Variants in IL16 observed in about 807,000 individuals in gnomAD.
IL16 encodes the protein interleukin 16, also known as pro-interleukin-16.
In IL16, 67 loss-of-function variants were observed where a neutral mutation model predicts 110.1. That is an observed-to-expected ratio of 0.61 (90% CI 0.50 to 0.75). IL16 has a LOEUF of 0.75. Among genes scored for constraint, IL16 ranks in the 30% least tolerant of loss-of-function variants. The probability of loss-of-function intolerance (pLI) is 0.00; values close to 1 mark genes in which losing one functional copy is unlikely to be tolerated. For synonymous variants in IL16, 689 were observed against 662.9 expected (o/e 1.04, Z -0.61); for missense variants, 1,545 against 1,655.0 (o/e 0.93, Z 1.15).
intron 1 of IL16, among the ~76,000 whole-genome samples, chr15:81,183,814 C>T (rs1224244690): frequency 6.6e-6 from 1 of 152,150 alleles, no homozygotes; most frequent in African/African-American, 2.4e-5. Flanking sequence ...GTAACAGGCT[C>T]CTTGATCTTG....
intron 2 of IL16, among the ~76,000 whole-genome samples, chr15:81,226,793 G>A (rs577353850): frequency 2.8e-4 from 42 of 152,200 alleles, no homozygotes; most frequent in Admixed American, 1.0e-3. Flanking sequence ...TGGGTTTGGG[G>A]GAGGCTCGCC....
Position 81,196,965 on chromosome 15 carries a change from A to G in IL16, c.-289A>G. 1 of 1,270,830 alleles carries G rather than the reference A, an allele frequency of 7.9e-7. No individual in the cohort carries two copies. Among genetic ancestry groups the G allele is most frequent in the Middle Eastern group, 3.3e-4 (1 of 3,064 alleles). 78.7% of individuals were successfully genotyped at this position (1,270,830 alleles called of 1,614,324 possible). On this transcript the variant is annotated 5_prime_UTR_variant, in exon 1 of 19. Coordinates refer to ENST00000683961, the MANE Select transcript of IL16 (RefSeq NM_172217.5). ...CTCAACTATCGGAGCCTGGGATCTG[A>G]CTCAAAGGCCGGCCTCCGTCTGAGA...
In IL16 at chr15:81,222,193, C is replaced by T. The variant is rs1431837007; in HGVS notation, c.-101-3106C>T. On this transcript the variant is annotated intron_variant, in intron 1 of 18. Coordinates refer to ENST00000683961, the MANE Select transcript of IL16 (RefSeq NM_172217.5). The stretch of plus-strand genomic sequence containing the variant: ...GACAAGAATGCGAGAGGCTGTTATA[C>T]CAGAATCTGACACTGGAGGATGAAG... Among the ~76,000 whole-genome samples the T allele has an allele frequency of 2.6e-5, 4 of 152,048 alleles. No homozygotes were observed. In the South Asian group the frequency reaches 6.3e-4, roughly 24 times the overall value.
At chr15:81,222,782 A>G (rs1896662290) in intron 1 of IL16, among the ~76,000 whole-genome samples, 1 of 150,578 alleles carries the variant, frequency 6.6e-6, no homozygotes, top group Non-Finnish European at 1.5e-5. Flanking sequence ...ATACCCACAC[A>G]CATCTTTCCC....
At chr15:81,230,591 G>T (rs1440537239) in intron 2 of IL16, among the ~76,000 whole-genome samples, 1 of 152,264 alleles carries the variant, frequency 6.6e-6, no homozygotes, top group South Asian at 2.1e-4. Flanking sequence ...AACCTGAATG[G>T]CATTCCTTGC....
rs1896755363 is a variant in IL16, at chr15:81,225,434, A to C, written c.35A>C (p.Lys12Thr). The C allele has an allele frequency of 6.2e-7, 1 of 1,614,130 alleles. No homozygotes were observed. Among genetic ancestry groups the C allele is most frequent in the Admixed American group, 1.7e-5 (1 of 60,020 alleles). Residue 12 changes from lysine (K) to threonine (T), a missense_variant, in exon 2 of 19, where the codon AAA becomes ACA. Physicochemically the swap from Lys to Thr is moderately conservative, Grantham distance 78 (BLOSUM62 -1). This residue lies in a region of IL16 where 1,185 missense variants were observed against 1,238.8 expected (regional missense o/e 0.96). Coordinates refer to ENST00000683961, the MANE Select transcript of IL16 (RefSeq NM_172217.5). ...ESHSRAGKSR[K>T]SAKFRSISRS... The stretch of plus-strand genomic sequence containing the variant: ...CACAGCCGCGCTGGAAAGAGCAGAA[A>C]ATCTGCAAAATTTCGGTCCATCTCC...
At chr15:81,291,153 C>A (rs574998409) in intron 11 of IL16, among the ~76,000 whole-genome samples, 1 of 152,334 alleles carries the variant, frequency 6.6e-6, no homozygotes, top group East Asian at 1.9e-4. Context: ...TACCATGGAA[C>A]ATCCTTATGA....
intron 1 of IL16, among the ~76,000 whole-genome samples, chr15:81,198,114 CGTG>C (rs990453042): frequency 1.6e-4 from 24 of 152,280 alleles, no homozygotes; most frequent in African/African-American, 5.5e-4. Flanking sequence ...GCAGATATGA[CGTG>C]GGCATGAGCC....
At chr15:81,266,259 A>G (rs1361123877) in intron 4 of IL16, among the ~76,000 whole-genome samples, 1 of 152,220 alleles carries the variant, frequency 6.6e-6, no homozygotes, top group East Asian at 1.9e-4. Context: ...GCCTGTGCGA[A>G]AAGGCTTTTC....
intron 2 of IL16, among the ~76,000 whole-genome samples, chr15:81,253,562 T>C (rs547247019): frequency 1.3e-5 from 2 of 152,318 alleles, no homozygotes; most frequent in Non-Finnish European, 2.9e-5. Flanking sequence ...GATTTACTCC[T>C]ATATTTTCTT....
chr15:81,294,310 A>G (rs937040100), intron 12 of IL16, among the ~76,000 whole-genome samples: 3 of 152,312 alleles, frequency 2.0e-5, no homozygotes, highest in South Asian at 2.1e-4. Flanking sequence ...TTTTAAGCCC[A>G]TATTTCATTT....
At chr15:81,202,375 A>C (rs1002841902) in intron 1 of IL16, among the ~76,000 whole-genome samples, 4 of 152,188 alleles carry the variant, frequency 2.6e-5, no homozygotes, top group African/African-American at 9.7e-5. Context: ...ATTTTAAAGA[A>C]GTGTTATCCA....
At position 81,290,550 on chromosome 15, in the gene IL16, A is replaced by G; in HGVS notation, c.1420+10A>G. On this transcript the variant is annotated intron_variant, in intron 11 of 18. Transcript: ENST00000683961. ...CAGTGGAGTCTGGAAGGTAAGACAA[A>G]TGGTGAACTTTGATGTAAAATATCT... The G allele has an allele frequency of 6.4e-7, 1 of 1,571,810 alleles. No individual in the cohort carries two copies. Among genetic ancestry groups the G allele is most frequent in the Non-Finnish European group, 8.7e-7 (1 of 1,144,636 alleles).
chr15:81,281,551 A>G (rs1475886011), intron 8 of IL16, among the ~76,000 whole-genome samples: 2 of 152,234 alleles, frequency 1.3e-5, no homozygotes, highest in African/African-American at 4.8e-5. Flanking sequence ...AGTCCCAGAC[A>G]TCCTGACAGC....
intron 9 of IL16, among the ~76,000 whole-genome samples, chr15:81,284,019 AAAAAG>A (rs934679146): frequency 6.8e-6 from 1 of 146,156 alleles, no homozygotes; most frequent in Non-Finnish European, 1.5e-5. Context: ...AAAAAAAAAA[AAAAAG>A]AGAGAGAGAA....
upstream of IL16, among the ~76,000 whole-genome samples, chr15:81,194,813 T>G (rs111436716): frequency 6.6e-6 from 1 of 152,328 alleles, no homozygotes; most frequent in African/African-American, 2.4e-5. Flanking sequence ...TAATTTCATC[T>G]GGCAGACAAT....
rs564024980 is a variant in IL16 at position 81,191,708 on chromosome 15, A to T, written c.40+8812A>T. On this transcript the variant is annotated intron_variant, in intron 1 of 18. Coordinates refer to the IL16 transcript ENST00000302987. ...GGTCAAGAAAGATCCCACTTAGGAG[A>T]TGGAGTCAGGGAAGAGCCAGCCATA... Among the ~76,000 whole-genome samples, 17 of 152,286 alleles carry T rather than the reference A, an allele frequency of 1.1e-4. No individual in the cohort carries two copies. In the South Asian group the frequency reaches 3.5e-3, roughly 32 times the overall value.
At chr15:81,221,990 C>G (rs1177404660) in intron 1 of IL16, among the ~76,000 whole-genome samples, 3 of 152,226 alleles carry the variant, frequency 2.0e-5, no homozygotes, top group African/African-American at 7.2e-5. Flanking sequence ...CTGAGTGAAG[C>G]ACACAGCCTT....
At chr15:81,287,403 G>A (rs1212175118) in intron 10 of IL16, among the ~76,000 whole-genome samples, 1 of 152,192 alleles carries the variant, frequency 6.6e-6, no homozygotes, top group Non-Finnish European at 1.5e-5. Flanking sequence ...ACTATAACAG[G>A]AACCCAGGCT....
Sources: gnomAD v4.1 joint callset for allele counts (sites outside exome capture counted in the v4.1 genomes callset) on GRCh38, gnomAD v4.1.1 for gene constraint, gnomAD v4.1.1 regional missense constraint, MANE v1.5 for transcripts, NCBI Gene and HGNC (gene_info 2026-07-23, HGNC 2026-07-21) for gene names.